The following BCL2 variants were observed in gnomAD, a reference collection of about 807,000 sequenced individuals.
BCL2 encodes the protein apoptosis regulator Bcl-2.
Under a neutral mutation model 14.2 loss-of-function variants are expected in BCL2, and 1 was observed. The observed-to-expected ratio is 0.07, with a 90% CI of 0.02 to 0.33. The LOEUF (loss-of-function observed/expected upper bound fraction) is 0.33, where lower values mean the gene tolerates loss of function less well. Ranked by LOEUF, BCL2 falls within the 10% of genes least tolerant of loss-of-function variation. The pLI, the probability that BCL2 is intolerant of heterozygous loss-of-function variation, is 0.99. For missense variants in BCL2, 247 were observed against 305.9 expected, an observed-to-expected ratio of 0.81 and a Z score of 1.44; for synonymous variants, 151 against 137.2, an observed-to-expected ratio of 1.10 and a Z score of -0.70.
chr18:63,128,839 G>A, intron 2 of BCL2, 80 bp from the exon 3 acceptor site: 1 of 670,870 alleles, frequency 1.5e-6, no homozygotes, highest in African/African-American at 1.8e-5. Flanking sequence ...AGAGAAAGAG[G>A]CATCCTGCCA....
chr18:63,180,188 C>A (rs957907192), intron 2 of BCL2, among the ~76,000 whole-genome samples: 3 of 152,232 alleles, frequency 2.0e-5, no homozygotes, highest in Non-Finnish European at 4.4e-5. Context: ...ATTTTATTAA[C>A]CCCTGACGGC....
chr18:63,278,745 C>T (rs892073626), intron 2 of BCL2, among the ~76,000 whole-genome samples: 9 of 152,138 alleles, frequency 5.9e-5, no homozygotes, highest in African/African-American at 2.2e-4. Flanking sequence ...GTCTTCTCTG[C>T]CATTTTTAAC....
chr18:63,274,656 TC>T (rs781520187), intron 2 of BCL2, among the ~76,000 whole-genome samples: 73 of 152,214 alleles, frequency 4.8e-4, no homozygotes, highest in Admixed American at 3.3e-3. Flanking sequence ...GGTGAACCCT[TC>T]CCACCCTTGT....
At chr18:63,199,698 C>T (rs1909633672) in intron 2 of BCL2, among the ~76,000 whole-genome samples, 1 of 151,962 alleles carries the variant, frequency 6.6e-6, no homozygotes, top group South Asian at 2.1e-4. Flanking sequence ...CGCAGACACA[C>T]TACATATGCA....
chr18:63,160,668 T>C (rs1914897751), intron 2 of BCL2, among the ~76,000 whole-genome samples: 1 of 152,148 alleles, frequency 6.6e-6, no homozygotes, highest in African/African-American at 2.4e-5. Context: ...ACATTCAGGA[T>C]GAGGGAAAAA....
chr18:63,124,560 A>T lies in BCL2; in HGVS notation c.*4065T>A. 1 of 232,304 alleles carries T rather than the reference A, an allele frequency of 4.3e-6. No homozygotes were observed. The highest frequency in any genetic ancestry group is 8.5e-6 in the Non-Finnish European group (1 of 117,328). The allele number at this position is 232,304 out of a possible 1,614,324, so 14.4% of individuals were successfully genotyped here. ...TATTCTGAAAACTTCCAACTCCCTGATCCAAACTTGGGAATGTTTTACATT... is the reference window on the plus strand; with the variant it reads ...TATTCTGAAAACTTCCAACTCCCTGTTCCAAACTTGGGAATGTTTTACATT... On this transcript the variant is annotated 3_prime_UTR_variant, in exon 3 of 3. Transcript: ENST00000333681.
intron 2 of BCL2, among the ~76,000 whole-genome samples, chr18:63,310,330 C>T (rs186193158): frequency 6.6e-6 from 1 of 152,324 alleles, no homozygotes; most frequent in Non-Finnish European, 1.5e-5. Context: ...TCAGACTCTC[C>T]ACAATTCCCC....
At chr18:63,145,580 C>G (rs561939871) in intron 2 of BCL2, among the ~76,000 whole-genome samples, 10 of 152,194 alleles carry the variant, frequency 6.6e-5, no homozygotes, top group Non-Finnish European at 1.2e-4. Flanking sequence ...AGGAACCTAC[C>G]TGCCAAGTGT....
intron 2 of BCL2, among the ~76,000 whole-genome samples, chr18:63,289,524 A>G (rs1227053195): frequency 2.0e-5 from 3 of 152,206 alleles, no homozygotes; most frequent in Non-Finnish European, 4.4e-5. Flanking sequence ...AAAATGTCAC[A>G]TAGGTTGCAG....
At chr18:63,296,030 C>G (rs1194712555) in intron 2 of BCL2, among the ~76,000 whole-genome samples, 1 of 152,158 alleles carries the variant, frequency 6.6e-6, no homozygotes, top group Non-Finnish European at 1.5e-5. Context: ...CAAGTCTTAC[C>G]TTTACACTGA....
intron 2 of BCL2, among the ~76,000 whole-genome samples, chr18:63,310,166 C>T (rs1161101169): frequency 6.6e-6 from 1 of 152,124 alleles, no homozygotes; most frequent in African/African-American, 2.4e-5. Context: ...CCTGCCCTAC[C>T]CCATATATTT....
chr18:63,154,045 C>A (rs767840250), intron 2 of BCL2, among the ~76,000 whole-genome samples: 1 of 152,142 alleles, frequency 6.6e-6, no homozygotes, highest in Non-Finnish European at 1.5e-5. Flanking sequence ...ATCTGCATAT[C>A]CATCAGGTAC....
At chr18:63,239,075 G>A (rs1305825201) in intron 2 of BCL2, among the ~76,000 whole-genome samples, 2 of 152,086 alleles carry the variant, frequency 1.3e-5, no homozygotes, top group East Asian at 3.9e-4. Flanking sequence ...CCTGATTGGG[G>A]GTCCAATATT....
intron 2 of BCL2, among the ~76,000 whole-genome samples, chr18:63,261,992 C>T (rs1911673938): frequency 4.6e-5 from 7 of 152,144 alleles, no homozygotes; most frequent in Admixed American, 4.6e-4. Flanking sequence ...GTTGGCCAGG[C>T]TGGTCTCGAA....
intron 2 of BCL2, among the ~76,000 whole-genome samples, chr18:63,137,878 G>A (rs1317725543): frequency 6.6e-6 from 1 of 152,200 alleles, no homozygotes; most frequent in African/African-American, 2.4e-5. Context: ...TGGTGCCTGT[G>A]GTGCAGGGCA....
At chr18:63,309,325 T>C (rs1272440618) in intron 2 of BCL2, among the ~76,000 whole-genome samples, 2 of 152,212 alleles carry the variant, frequency 1.3e-5, no homozygotes, top group African/African-American at 2.4e-5. Context: ...TCCAGATCCT[T>C]ATGTCTAAGG....
At chr18:63,227,174 A>C (rs1910572789) in intron 2 of BCL2, among the ~76,000 whole-genome samples, 1 of 152,202 alleles carries the variant, frequency 6.6e-6, no homozygotes, top group South Asian at 2.1e-4. Flanking sequence ...AATATACTCA[A>C]ATGCTGAGGG....
At chr18:63,243,982 G>A (rs1380072496) in intron 2 of BCL2, among the ~76,000 whole-genome samples, 5 of 152,132 alleles carry the variant, frequency 3.3e-5, no homozygotes, top group Admixed American at 6.5e-5. Context: ...AGTGGCTCAC[G>A]CCTGTAATCC....
intron 2 of BCL2, among the ~76,000 whole-genome samples, chr18:63,273,757 G>T (rs925913440): frequency 6.6e-6 from 1 of 152,006 alleles, no homozygotes; most frequent in African/African-American, 2.4e-5. Context: ...AAAGCCTCAC[G>T]CCTGACTCCT....
Sources: gnomAD v4.1 joint callset for allele counts (sites outside exome capture counted in the v4.1 genomes callset) on GRCh38, gnomAD v4.1.1 for gene constraint, MANE v1.5 for transcripts, NCBI Gene and HGNC (gene_info 2026-07-23, HGNC 2026-07-21) for gene names.